CLDN14: variants seen among roughly 807,000 people sequenced by gnomAD.
CLDN14 encodes the protein claudin 14, also known as claudin-14.
A neutral mutation model predicts 2.1 loss-of-function variants in CLDN14; 2 were observed. The observed-to-expected ratio is 0.96, with a 90% CI of 0.39 to 3.01. The LOEUF (loss-of-function observed/expected upper bound fraction) is 3.01. Ranked by LOEUF, CLDN14 falls within the 30% of genes most tolerant of loss-of-function variation. The pLI is 0.09. For missense variants in CLDN14, 298 were observed against 328.0 expected (o/e 0.91, Z 0.71); for synonymous variants, 136 against 154.4 (o/e 0.88, Z 0.88).
At position 36,541,144 on chromosome 21, in the gene CLDN14, G is replaced by A. The variant is rs146923529; in HGVS notation, c.-219-30644C>T. 4.9e-3 allele frequency among the ~76,000 whole-genome samples: 751 copies of A among 152,290 alleles called. 18 individuals carry two copies. Among genetic ancestry groups the A allele is most frequent in the Non-Finnish European group, 3.4e-3 (230 of 68,022 alleles). On this transcript the variant is annotated intron_variant, in intron 1 of 2. Coordinates refer to the CLDN14 transcript ENST00000342108. ...TCCAGAGAGAGGACTTGATGTGGACGGGCTGGTGGGGAGAACATGGAAGTC... is the reference window on the plus strand; with the variant it reads ...TCCAGAGAGAGGACTTGATGTGGACAGGCTGGTGGGGAGAACATGGAAGTC...
In CLDN14 at chr21:36,498,471, A is replaced by G. The variant is rs1046573572; in HGVS notation, c.-82+11892T>C. Among the ~76,000 whole-genome samples, 1 of 152,218 alleles carries G rather than the reference A, an allele frequency of 6.6e-6. No homozygotes were observed. The highest frequency in any genetic ancestry group is 2.4e-5 in the African/African-American group (1 of 41,460). Reference sequence around the variant, plus strand: ...AAAGACCAGTAGACCAACTGGTGGGAAAAATACTTGCACGGCAGCAGGTTG... The same window carrying G: ...AAAGACCAGTAGACCAACTGGTGGGGAAAATACTTGCACGGCAGCAGGTTG... On this transcript the variant is annotated intron_variant, in intron 2 of 2. Coordinates refer to the CLDN14 transcript ENST00000342108. This position sits in a 1 kb window ranked among gnomAD's most constrained non-coding sequence, Gnocchi z 4.9.
chr21:36,537,114 C>T (rs888913937), intron 1 of CLDN14, among the ~76,000 whole-genome samples: 3 of 152,236 alleles, frequency 2.0e-5, no homozygotes, highest in Non-Finnish European at 2.9e-5. Context: ...CGCTTGAACC[C>T]GGGAGGTGGA....
chr21:36,512,827 A>G (rs1601618351), intron 1 of CLDN14, among the ~76,000 whole-genome samples: 1 of 152,346 alleles, frequency 6.6e-6, no homozygotes, highest in East Asian at 1.9e-4. Context: ...AGGACAGAGA[A>G]GGGCACCTTT....
intron 1 of CLDN14, among the ~76,000 whole-genome samples, chr21:36,575,411 T>G (rs1356136007): frequency 1.3e-5 from 2 of 152,202 alleles, no homozygotes; most frequent in Non-Finnish European, 2.9e-5. Flanking sequence ...TTATTCCCAT[T>G]TTACAGATGA....
intron 1 of CLDN14, among the ~76,000 whole-genome samples, chr21:36,539,048 C>T (rs567213571): frequency 5.3e-5 from 8 of 152,340 alleles, no homozygotes; most frequent in Admixed American, 2.6e-4. Context: ...GGACAGCATC[C>T]GCTGACCCCA....
chr21:36,574,579 A>G (rs1452678069), intron 1 of CLDN14, among the ~76,000 whole-genome samples: 1 of 152,232 alleles, frequency 6.6e-6, no homozygotes, highest in Non-Finnish European at 1.5e-5. Context: ...CAAGGGCTCA[A>G]GGGAACTTTC....
intron 1 of CLDN14, among the ~76,000 whole-genome samples, chr21:36,545,545 A>G (rs558939258): frequency 4.8e-4 from 73 of 152,302 alleles, no homozygotes; most frequent in African/African-American, 1.6e-3. Context: ...CTTTGTGCCT[A>G]TATTTCTCTT....
rs1300117117 is a variant in CLDN14 at position 36,537,020 on chromosome 21, G to A, written c.-219-26520C>T. On this transcript the variant is annotated intron_variant, in intron 1 of 2. Coordinates refer to the CLDN14 transcript ENST00000342108. Reference sequence around the variant, plus strand: ...ACCCTGACCAACATGGAGAGACCTCGTCTCTACTAAAAATACAAAATTAGC... The same window carrying A: ...ACCCTGACCAACATGGAGAGACCTCATCTCTACTAAAAATACAAAATTAGC... Among the ~76,000 whole-genome samples the A allele has an allele frequency of 4.6e-5, 7 of 152,068 alleles. No individual in the cohort carries two copies. The East Asian group carries it at 1.3e-3, about 29-fold the overall frequency.
chr21:36,505,948 G>T (rs1169125272), intron 2 of CLDN14, among the ~76,000 whole-genome samples: 1 of 152,010 alleles, frequency 6.6e-6, no homozygotes, highest in East Asian at 1.9e-4. Flanking sequence ...TGTCTTTTTT[G>T]GATAGCCATT....
At chr21:36,461,810 G>GA in intron 1 of CLDN14, 34 bp from the exon 2 acceptor site, 2 of 1,374,872 alleles carry the variant, frequency 1.5e-6, no homozygotes, top group Non-Finnish European at 2.0e-6. Context: ...AGCAGGGAGA[G>GA]AAAGGAAATG....
In CLDN14 at chr21:36,517,484, C is replaced by T. The variant is rs532815526; in HGVS notation, c.-219-6984G>A. 6.6e-5 allele frequency among the ~76,000 whole-genome samples: 10 copies of T among 152,356 alleles called. No homozygotes were observed. The South Asian group carries it at 1.2e-3, about 19-fold the overall frequency. On this transcript the variant is annotated intron_variant, in intron 1 of 2. Coordinates refer to the CLDN14 transcript ENST00000342108. Reference sequence around the variant, plus strand: ...TGCTGCCAATCTTTTGGCAACATTACTGCAGAGTTAGACAGACTACATCAG... The same window carrying T: ...TGCTGCCAATCTTTTGGCAACATTATTGCAGAGTTAGACAGACTACATCAG...
rs1555847361 is a variant in CLDN14, at chr21:36,490,988, A to ACC, written c.-82+19373_-82+19374dup. 4.0e-4 allele frequency among the ~76,000 whole-genome samples: 53 copies of ACC among 132,764 alleles called. 1 individual carries two copies. Among genetic ancestry groups the ACC allele is most frequent in the African/African-American group, 1.0e-3 (39 of 37,620 alleles). The allele number at this position is 132,764 out of a possible 152,430, so 87.1% of individuals were successfully genotyped here. A position where few individuals can be genotyped will look rare whatever the true frequency, so the allele number is the denominator to read the frequency against. The stretch of plus-strand genomic sequence containing the variant: ...CACACACACACACACACACACACAC[A>ACC]CCCCTGGACACACACACATTGTTTT... On this transcript the variant is annotated intron_variant, in intron 2 of 2. Coordinates refer to the CLDN14 transcript ENST00000342108.
intron 1 of CLDN14, among the ~76,000 whole-genome samples, chr21:36,536,530 T>A (rs2087424840): frequency 6.6e-6 from 1 of 152,184 alleles, no homozygotes; most frequent in Admixed American, 6.5e-5. Flanking sequence ...TAAAGCTCCA[T>A]GGGACAAATT....
chr21:36,470,542 G>A (rs765733384), intron 1 of CLDN14, among the ~76,000 whole-genome samples: 19 of 152,196 alleles, frequency 1.2e-4, no homozygotes, highest in Non-Finnish European at 2.5e-4. Context: ...CCACACCTTA[G>A]TTTCAAGCTT....
intron 1 of CLDN14, among the ~76,000 whole-genome samples, chr21:36,561,208 C>T (rs2087632531): frequency 6.6e-6 from 1 of 152,164 alleles, no homozygotes; most frequent in Non-Finnish European, 1.5e-5. Flanking sequence ...TAAGCAGTGT[C>T]TGGGCCTGTG....
At chr21:36,536,957 G>A (rs966029610) in intron 1 of CLDN14, among the ~76,000 whole-genome samples, 7 of 152,158 alleles carry the variant, frequency 4.6e-5, no homozygotes, top group Middle Eastern at 3.2e-3. Context: ...TTGGGAGGCC[G>A]AGGCAGGTGG....
chr21:36,528,536 C>G (rs1050698946), intron 1 of CLDN14, among the ~76,000 whole-genome samples: 4 of 152,212 alleles, frequency 2.6e-5, no homozygotes, highest in African/African-American at 9.7e-5. Flanking sequence ...GCTCTTCCTA[C>G]CAGGCTTCAG....
At chr21:36,515,216 A>C (rs1289502221) in intron 1 of CLDN14, among the ~76,000 whole-genome samples, 3 of 152,216 alleles carry the variant, frequency 2.0e-5, no homozygotes, top group East Asian at 1.9e-4. Context: ...ATACATGCCC[A>C]AAAGAGTGAA....
intron 1 of CLDN14, among the ~76,000 whole-genome samples, chr21:36,519,465 A>C (rs2087252188): frequency 6.6e-6 from 1 of 152,160 alleles, no homozygotes. Flanking sequence ...TAATCCCAGC[A>C]CTTGGGAGGC....
Sources: gnomAD v4.1 joint callset for allele counts (sites outside exome capture counted in the v4.1 genomes callset) on GRCh38, gnomAD v4.1.1 for gene constraint, Gnocchi (gnomAD v3.1) non-coding constraint, MANE v1.5 for transcripts, NCBI Gene and HGNC (gene_info 2026-07-23, HGNC 2026-07-21) for gene names.